The following CDH4 variants were observed in gnomAD, a reference collection of about 807,000 sequenced individuals.
CDH4 encodes cadherin 4, also known as cadherin-4.
In CDH4, 33 loss-of-function variants were observed where a neutral mutation model predicts 86.0. The ratio of observed to expected loss-of-function variants is 0.38; its 90% CI spans 0.29 to 0.51. The LOEUF (loss-of-function observed/expected upper bound fraction) is 0.51. Among genes scored for constraint, CDH4 ranks in the 20% least tolerant of loss-of-function variants. The pLI is 0.86. For missense variants in CDH4, 1,114 were observed against 1,307.4 expected, an observed-to-expected ratio of 0.85 and a Z score of 2.28; for synonymous variants, 555 against 549.4, an observed-to-expected ratio of 1.01 and a Z score of -0.14.
chr20:61,413,698 GT>G (rs2085132402), intron 2 of CDH4, among the ~76,000 whole-genome samples: 1 of 152,188 alleles, frequency 6.6e-6, no homozygotes, highest in Non-Finnish European at 1.5e-5. Context: ...TCACCATGGA[GT>G]CCCCTCCTGC....
chr20:61,735,709 T>C (rs1240611782), intron 2 of CDH4, among the ~76,000 whole-genome samples: 2 of 152,142 alleles, frequency 1.3e-5, no homozygotes, highest in Non-Finnish European at 2.9e-5. Context: ...GGCTAACGGG[T>C]CTTTGCTGCA....
At chr20:61,468,376 C>T (rs896591791) in intron 2 of CDH4, among the ~76,000 whole-genome samples, 2 of 151,980 alleles carry the variant, frequency 1.3e-5, no homozygotes, top group East Asian at 1.9e-4. Flanking sequence ...TTCTCTTTCT[C>T]TTTCTTTCTT....
At chr20:61,794,875 C>T (rs370711197) in intron 4 of CDH4, among the ~76,000 whole-genome samples, 38 of 152,208 alleles carry the variant, frequency 2.5e-4, no homozygotes, top group African/African-American at 7.5e-4. Flanking sequence ...TGTAACTATG[C>T]GCCTTATAGG....
chr20:61,682,267 CAGAT>C (rs142375255), intron 2 of CDH4, among the ~76,000 whole-genome samples: 6,881 of 149,220 alleles, frequency 0.046, 292 homozygotes, highest in African/African-American at 0.1. Context: ...GATAGAGGAA[CAGAT>C]GGATGGATGG....
intron 2 of CDH4, among the ~76,000 whole-genome samples, chr20:61,293,809 C>A (rs1358295317): frequency 6.6e-6 from 1 of 152,172 alleles, no homozygotes; most frequent in Non-Finnish European, 1.5e-5. Context: ...AGGAAGGTGC[C>A]CAGAGTGCCT....
chr20:61,735,413 A>ACCCTCCT (rs2088250210), intron 2 of CDH4, among the ~76,000 whole-genome samples: 1 of 151,924 alleles, frequency 6.6e-6, no homozygotes, highest in Admixed American at 6.5e-5. Context: ...TCACTCCCCC[A>ACCCTCCT]CCCTCCTCTG....
At chr20:61,687,642 T>C (rs1039358342) in intron 2 of CDH4, among the ~76,000 whole-genome samples, 12 of 152,356 alleles carry the variant, frequency 7.9e-5, no homozygotes, top group African/African-American at 2.9e-4. Context: ...GCTAAACAAA[T>C]GCGTGTAAGT....
At chr20:61,786,366 C>T (rs992683639) in intron 4 of CDH4, among the ~76,000 whole-genome samples, 3 of 152,044 alleles carry the variant, frequency 2.0e-5, no homozygotes, top group Non-Finnish European at 2.9e-5. Flanking sequence ...GCGAGTCGCC[C>T]GGCAGCCAGA....
chr20:61,682,687 A>G (rs2087530452), intron 2 of CDH4, among the ~76,000 whole-genome samples: 1 of 151,960 alleles, frequency 6.6e-6, no homozygotes, highest in Non-Finnish European at 1.5e-5. Context: ...CATGGATTTT[A>G]CCTCCCCATG....
intron 2 of CDH4, among the ~76,000 whole-genome samples, chr20:61,465,885 T>C (rs943467441): frequency 1.3e-4 from 19 of 148,528 alleles, no homozygotes; most frequent in Non-Finnish European, 1.3e-4. Context: ...TTTTGCAGGG[T>C]GGCAGGAGGA....
intron 2 of CDH4, among the ~76,000 whole-genome samples, chr20:61,515,429 C>T (rs187160732): frequency 2.6e-5 from 4 of 152,346 alleles, no homozygotes; most frequent in Non-Finnish European, 4.4e-5. Context: ...CAGCTTAGAT[C>T]CTGGTTTTCC....
chr20:61,668,536 G>A (rs956730974), intron 2 of CDH4, among the ~76,000 whole-genome samples: 2 of 152,220 alleles, frequency 1.3e-5, no homozygotes, highest in Admixed American at 1.3e-4. Flanking sequence ...GGAGTCTGAT[G>A]GTGCTGGGTT....
At position 61,718,925 on chromosome 20, in the gene CDH4, G is replaced by T. The variant is rs762403908; in HGVS notation, c.170-24638G>T. On this transcript the variant is annotated intron_variant, in intron 2 of 15. Transcript: ENST00000614565. The stretch of plus-strand genomic sequence containing the variant: ...CTTGTTGGAGCTCTTCCAGCCCAGG[G>T]TGTTGGTTAGTGGGTGAAGCAGGGG... The T allele has an allele frequency of 1.5e-4, 71 of 471,092 alleles. 2 individuals are homozygous for T. The highest frequency in any genetic ancestry group is 1.1e-3 in the South Asian group (70 of 64,522). The allele number at this position is 471,092 out of a possible 1,614,324, so 29.2% of individuals were successfully genotyped here.
intron 2 of CDH4, among the ~76,000 whole-genome samples, chr20:61,442,858 T>G (rs535903959): frequency 1.2e-4 from 19 of 152,374 alleles, no homozygotes; most frequent in South Asian, 6.2e-4. Context: ...CCCCCGGCCT[T>G]GGCACTGTTG....
chr20:61,888,912 G>C (rs1185864425), intron 7 of CDH4, among the ~76,000 whole-genome samples: 1 of 152,204 alleles, frequency 6.6e-6, no homozygotes, highest in Non-Finnish European at 1.5e-5. Flanking sequence ...AAATGGTAAA[G>C]AAATATGAGC....
intron 8 of CDH4, among the ~76,000 whole-genome samples, chr20:61,900,755 G>A (rs916881902): frequency 6.6e-6 from 1 of 152,136 alleles, no homozygotes; most frequent in Non-Finnish European, 1.5e-5. Flanking sequence ...GGGGGTGGGC[G>A]CTGGGCCAGA....
chr20:61,348,324 T>C (rs1568807912), intron 2 of CDH4, among the ~76,000 whole-genome samples: 2 of 152,112 alleles, frequency 1.3e-5, no homozygotes, highest in African/African-American at 2.4e-5. Flanking sequence ...ACTTATTCGC[T>C]ATCACGAGAA....
At chr20:61,532,523 C>A (rs1341741805) in intron 2 of CDH4, among the ~76,000 whole-genome samples, 1 of 152,202 alleles carries the variant, frequency 6.6e-6, no homozygotes, top group African/African-American at 2.4e-5. Context: ...TCAGTAACAA[C>A]AAGTGCACAC....
intron 2 of CDH4, among the ~76,000 whole-genome samples, chr20:61,388,478 G>T (rs955378955): frequency 7.9e-5 from 12 of 152,152 alleles, no homozygotes; most frequent in African/African-American, 2.9e-4. Flanking sequence ...CCCTCGAAGG[G>T]GTGCAGGATG....
Sources: allele counts gnomAD v4.1 joint callset (sites outside exome capture counted in the v4.1 genomes callset), GRCh38; gene constraint gnomAD v4.1.1; transcripts MANE v1.5; gene names NCBI Gene and HGNC (gene_info 2026-07-23, HGNC 2026-07-21).